Variants in CDKAL1 observed in about 807,000 individuals in gnomAD.
The protein encoded by CDKAL1 is CDKAL1 threonylcarbamoyladenosine tRNA methylthiotransferase.
A neutral mutation model predicts 68.2 loss-of-function variants in CDKAL1; 32 were observed. The observed-to-expected ratio is 0.47, with a 90% CI of 0.35 to 0.63. CDKAL1 has a LOEUF of 0.63. Among genes scored for constraint, CDKAL1 ranks in the 30% least tolerant of loss-of-function variants. The probability of loss-of-function intolerance (pLI) is 0.00; values close to 1 mark genes in which losing one functional copy is unlikely to be tolerated. For missense variants in CDKAL1, 606 were observed against 696.7 expected (o/e 0.87, Z 1.47); for synonymous variants, 234 against 244.3 (o/e 0.96, Z 0.39).
Position 21,069,846 on chromosome 6 carries a change from G to C in CDKAL1, c.1236+4618G>C, listed in dbSNP as rs1233861697. ...CTGTCACCCAGGCTGGAGTGCTGCA[G>C]TGGCGCCATCTCAGCTCACTGCAAG... On this transcript the variant is annotated intron_variant, in intron 12 of 15. Coordinates refer to ENST00000274695, the MANE Select transcript of CDKAL1 (RefSeq NM_017774.3). Among the ~76,000 whole-genome samples, 4 of 126,236 alleles carry C rather than the reference G, an allele frequency of 3.2e-5. No homozygotes were observed. The Admixed American group carries it at 3.2e-4, about 10-fold the overall frequency. 82.8% of individuals were successfully genotyped at this position (126,236 alleles called of 152,430 possible). A position where few individuals can be genotyped will look rare whatever the true frequency, so the allele number is the denominator to read the frequency against.
chr6:20,829,831 AT>A (rs561926971), intron 8 of CDKAL1, among the ~76,000 whole-genome samples: 1 of 152,344 alleles, frequency 6.6e-6, no homozygotes, highest in South Asian at 2.1e-4. Context: ...TACTGAATTC[AT>A]TTATGCAAAT....
chr6:21,055,426 T>C (rs1418210248), intron 11 of CDKAL1, among the ~76,000 whole-genome samples: 1 of 152,068 alleles, frequency 6.6e-6, no homozygotes, highest in African/African-American at 2.4e-5. Context: ...GATGTGCAGG[T>C]TTATTATGTA....
intron 4 of CDKAL1, among the ~76,000 whole-genome samples, chr6:20,644,857 A>G (rs1768364987): frequency 6.6e-6 from 1 of 152,236 alleles, no homozygotes; most frequent in Admixed American, 6.5e-5. Flanking sequence ...GCTTAAGCAC[A>G]GGAATTTGTT....
chr6:20,793,844 T>C lies in CDKAL1; in HGVS notation c.638+12579T>C, dbSNP rs553516914. Among the ~76,000 whole-genome samples the C allele has an allele frequency of 3.4e-5, 5 of 147,952 alleles. No individual in the cohort carries two copies. In the South Asian group the frequency reaches 1.0e-3, roughly 31 times the overall value. The stretch of plus-strand genomic sequence containing the variant: ...CTAATTAGGTTATATATAATATATA[T>C]ATACATATATAAATATATCCTAATT... On this transcript the variant is annotated intron_variant, in intron 8 of 15. Coordinates refer to ENST00000274695, the MANE Select transcript of CDKAL1 (RefSeq NM_017774.3).
intron 9 of CDKAL1, among the ~76,000 whole-genome samples, chr6:20,949,779 C>T (rs965767897): frequency 3.3e-5 from 5 of 151,824 alleles, no homozygotes; most frequent in Admixed American, 1.3e-4. Flanking sequence ...TCTCAGTGGT[C>T]GCGAAAGTTT....
intron 11 of CDKAL1, among the ~76,000 whole-genome samples, chr6:21,044,095 T>C (rs182617174): frequency 6.6e-6 from 1 of 152,344 alleles, no homozygotes; most frequent in East Asian, 1.9e-4. Context: ...TGTTATACCA[T>C]GTTGTACCCA....
chr6:20,868,077 C>T (rs189211869), intron 9 of CDKAL1, among the ~76,000 whole-genome samples: 28 of 152,032 alleles, frequency 1.8e-4, no homozygotes, highest in Middle Eastern at 3.4e-3. Flanking sequence ...TCTTATATTG[C>T]GGTTTAATTA....
chr6:20,851,701 C>T (rs1228699261), intron 9 of CDKAL1, among the ~76,000 whole-genome samples: 9 of 150,160 alleles, frequency 6.0e-5, no homozygotes, highest in Non-Finnish European at 1.2e-4. Context: ...CGATTAATTT[C>T]GATATTAATG....
chr6:20,927,267 C>T (rs1763229205), intron 9 of CDKAL1, among the ~76,000 whole-genome samples: 1 of 152,070 alleles, frequency 6.6e-6, no homozygotes, highest in Middle Eastern at 3.2e-3. Flanking sequence ...TGATTGAAGG[C>T]AGGGGACCCC....
At chr6:20,640,003 G>A (rs1175860852) in intron 4 of CDKAL1, among the ~76,000 whole-genome samples, 1 of 152,174 alleles carries the variant, frequency 6.6e-6, no homozygotes, top group African/African-American at 2.4e-5. Context: ...TTTTCAAGTT[G>A]TACCTTAAGG....
intron 15 of CDKAL1, among the ~76,000 whole-genome samples, chr6:21,201,785 A>G (rs1778702272): frequency 6.6e-6 from 1 of 152,096 alleles, no homozygotes; most frequent in South Asian, 2.1e-4. Flanking sequence ...TTCTTTCTAT[A>G]AAAAAGTAAC....
chr6:20,762,435 A>G (rs1435279788), intron 7 of CDKAL1, among the ~76,000 whole-genome samples: 1 of 152,326 alleles, frequency 6.6e-6, no homozygotes, highest in East Asian at 1.9e-4. Flanking sequence ...CAGATCAGGA[A>G]GCTGAGCTGT....
At chr6:20,686,833 T>G (rs905637705) in intron 5 of CDKAL1, among the ~76,000 whole-genome samples, 3 of 152,188 alleles carry the variant, frequency 2.0e-5, no homozygotes, top group Non-Finnish European at 4.4e-5. Context: ...ATTTTTGTAG[T>G]CTTTTTAACT....
At chr6:21,016,668 C>CCATG (rs1439517756) in intron 11 of CDKAL1, among the ~76,000 whole-genome samples, 2 of 149,310 alleles carry the variant, frequency 1.3e-5, no homozygotes, top group Non-Finnish European at 3.0e-5. Context: ...ATCCATCCAT[C>CCATG]CATCTTACTT....
At chr6:20,668,142 A>G (rs1180010907) in intron 5 of CDKAL1, among the ~76,000 whole-genome samples, 2 of 150,898 alleles carry the variant, frequency 1.3e-5, no homozygotes, top group Non-Finnish European at 2.9e-5. Context: ...ATAATTCCAT[A>G]TGGATATATA....
At position 20,926,996 on chromosome 6, in the gene CDKAL1, A is replaced by G. The variant is rs188572411; in HGVS notation, c.743-28423A>G. On this transcript the variant is annotated intron_variant, in intron 9 of 15. Transcript: ENST00000274695. ...TAGAGTTAGTCACCCTTTGGTATCA[A>G]TTAAGCTGCCCATATCTAAATGTCT... 7.9e-4 allele frequency among the ~76,000 whole-genome samples: 119 copies of G among 151,250 alleles called. 1 individual carries two copies. The highest frequency in any genetic ancestry group is 1.3e-3 in the Admixed American group (19 of 15,188).
At chr6:20,618,435 A>G (rs1233096315) in intron 4 of CDKAL1, among the ~76,000 whole-genome samples, 3 of 152,100 alleles carry the variant, frequency 2.0e-5, no homozygotes, top group Non-Finnish European at 2.9e-5. Context: ...CCATTTGTCA[A>G]TTTTGGCTTT....
intron 8 of CDKAL1, among the ~76,000 whole-genome samples, chr6:20,783,205 C>CAG (rs10647996): frequency 0.96 from 145,869 of 152,122 alleles, 69,949 homozygotes; most frequent in East Asian, 1. Flanking sequence ...GTTGGGATTA[C>CAG]AGGCATGAGC....
intron 11 of CDKAL1, among the ~76,000 whole-genome samples, chr6:21,017,104 A>G (rs901777136): frequency 6.6e-5 from 10 of 152,212 alleles, no homozygotes; most frequent in African/African-American, 1.9e-4. Flanking sequence ...TTTTACATAG[A>G]CAATCTCCTT....
Sources: allele counts gnomAD v4.1 joint callset (sites outside exome capture counted in the v4.1 genomes callset), GRCh38; gene constraint gnomAD v4.1.1; transcripts MANE v1.5; gene names NCBI Gene and HGNC (gene_info 2026-07-23, HGNC 2026-07-21).